Variants in NDUFB10 observed in about 807,000 individuals in gnomAD.
The protein encoded by NDUFB10 is NADH dehydrogenase [ubiquinone] 1 beta subcomplex subunit 10.
In NDUFB10, 23 loss-of-function variants were observed where a neutral mutation model predicts 19.0. That is an observed-to-expected ratio of 1.21 (90% CI 0.87 to 1.71). The LOEUF is 1.71. Among genes scored for constraint, NDUFB10 ranks in the 40% most tolerant of loss-of-function variants. The pLI is 0.00. For missense variants in NDUFB10, 312 were observed against 230.6 expected, an observed-to-expected ratio of 1.35 and a Z score of -2.29; for synonymous variants, 104 against 81.8, an observed-to-expected ratio of 1.27 and a Z score of -1.46.
At chr16:1,959,871 G>A (rs2083242143) in intron 1 of NDUFB10, 117 bp downstream of exon 1, 5 of 1,257,364 alleles carry the variant, frequency 4.0e-6, no homozygotes, top group East Asian at 4.8e-5. Context: ...GCCCCCCGCT[G>A]CACCCCGGGG....
chr16:1,961,161 G>A lies in NDUFB10; in HGVS notation c.139G>A (p.Glu47Lys), dbSNP rs1196596861. ...TGGCTTTGTCTTTGCAGAATTTATAGAGCGGCAGCACGCAAAGAACAGGTA... is the reference window on the plus strand; with the variant it reads ...TGGCTTTGTCTTTGCAGAATTTATAAAGCGGCAGCACGCAAAGAACAGGTA... ...RPVTLVREFI[E>K]RQHAKNRYYY... The change falls in exon 2 of 4, where the codon GAG becomes AAG. Residue 47 changes from glutamate (E) to lysine (K), a missense_variant. Transcript: ENST00000268668. 6 of 1,613,960 alleles carry A rather than the reference G, an allele frequency of 3.7e-6. No individual in the cohort carries two copies. The highest frequency in any genetic ancestry group is 5.1e-6 in the Non-Finnish European group (6 of 1,179,948).
Position 1,959,895 on chromosome 16 carries a change from C to G in NDUFB10, c.130+141C>G, listed in dbSNP as rs2083242317. 3 of 1,171,408 alleles carry G rather than the reference C, an allele frequency of 2.6e-6. No homozygotes were observed. The East Asian group carries it at 7.6e-5, about 30-fold the overall frequency. The allele number at this position is 1,171,408 out of a possible 1,614,324, so 72.6% of individuals were successfully genotyped here. A position where few individuals can be genotyped will look rare whatever the true frequency, so the allele number is the denominator to read the frequency against. Reference sequence around the variant, plus strand: ...TGCACCCCGGGGACAACTCCCCACCCCCGGAGACCTCCGAGCTCCGTCGCC... The same window carrying G: ...TGCACCCCGGGGACAACTCCCCACCGCCGGAGACCTCCGAGCTCCGTCGCC... On this transcript the variant is annotated intron_variant, in intron 1 of 3. Transcript: ENST00000268668.
In NDUFB10 at chr16:1,959,565, C is replaced by T. The variant is rs983603962; in HGVS notation, c.-60C>T. 22 of 1,534,494 alleles carry T rather than the reference C, an allele frequency of 1.4e-5. No individual in the cohort carries two copies. The African/African-American group carries it at 2.5e-4, about 17-fold the overall frequency. On this transcript the variant is annotated 5_prime_UTR_variant, in exon 1 of 4. Transcript: ENST00000268668. Reference sequence around the variant, plus strand: ...AGCGGGCGACCTAGGCCGCGGGACCCGGACGGAGGTAGAGGCCAGGGCAGC... The same window carrying T: ...AGCGGGCGACCTAGGCCGCGGGACCTGGACGGAGGTAGAGGCCAGGGCAGC...
At position 1,961,254 on chromosome 16, in the gene NDUFB10, T is replaced by C. The variant is rs2083252390; in HGVS notation, c.232T>C (p.Cys78Arg). Residue 78 changes from cysteine (C) to arginine (R), a missense_variant, in exon 2 of 4, where the codon TGC (cysteine) becomes CGC (arginine). Coordinates refer to ENST00000268668, the MANE Select transcript of NDUFB10 (RefSeq NM_004548.3). ...TGAGTGCAAGGAGGAGGACATCATG[T>C]GCATGTATGAAGCCGAAATGCAGTG... Reference protein sequence around the residue: ...ITECKEEDIMCMYEAEMQWKR... With the variant: ...ITECKEEDIMRMYEAEMQWKR... 6.2e-7 allele frequency: 1 copy of C among 1,613,930 alleles called. No individual in the cohort carries two copies. The highest frequency in any genetic ancestry group is 1.3e-5 in the African/African-American group (1 of 74,936).
chr16:1,960,107 C>T (rs901542177), intron 1 of NDUFB10, among the ~76,000 whole-genome samples: 7 of 152,236 alleles, frequency 4.6e-5, no homozygotes, highest in African/African-American at 1.7e-4. Flanking sequence ...GCACCGCTGG[C>T]CTCAGGCCTC....
At chr16:1,961,703 A>T in intron 3 of NDUFB10, 67 bp downstream of exon 3, 3 of 1,530,520 alleles carry the variant, frequency 2.0e-6, no homozygotes, top group Non-Finnish European at 2.7e-6. Flanking sequence ...AACCATTGCA[A>T]ATCTTCCCTC....
chr16:1,961,312 G>T (rs767550411), intron 2 of NDUFB10, 21 bp downstream of exon 2: 12 of 1,613,784 alleles, frequency 7.4e-6, no homozygotes, highest in South Asian at 6.6e-5. Flanking sequence ...CATGCTGGGA[G>T]TGTGGAGATC....
At position 1,961,200 on chromosome 16, in the gene NDUFB10, C is replaced by A. The variant is rs781064867; in HGVS notation, c.178C>A (p.Arg60=). Residue 60 remains arginine (R), a synonymous_variant, in exon 2 of 4, where the codon CGG becomes AGG. Coordinates refer to ENST00000268668, the MANE Select transcript of NDUFB10 (RefSeq NM_004548.3). ...AAAGAACAGGTATTACTACTACCACCGGCAGTACCGCCGCGTGCCAGACAT... is the reference window on the plus strand; with the variant it reads ...AAAGAACAGGTATTACTACTACCACAGGCAGTACCGCCGCGTGCCAGACAT... ...HAKNRYYYYH[R]QYRRVPDITE... is the part of the protein sequence containing the mutation. 1 of 1,614,102 alleles carries A rather than the reference C, an allele frequency of 6.2e-7. No homozygotes were observed. Among genetic ancestry groups the A allele is most frequent in the South Asian group, 1.1e-5 (1 of 91,078 alleles).
At chr16:1,961,660 C>T (rs754319460) in intron 3 of NDUFB10, 24 bp downstream of exon 3, 1 of 1,529,922 alleles carries the variant, frequency 6.5e-7, no homozygotes, top group African/African-American at 1.5e-5. Context: ...CCACCCCCAA[C>T]CCCCCACCAT....
chr16:1,959,612 G>T lies in NDUFB10; in HGVS notation c.-13G>T, dbSNP rs1221503135. On this transcript the variant is annotated 5_prime_UTR_variant, in exon 1 of 4. Coordinates refer to ENST00000268668, the MANE Select transcript of NDUFB10 (RefSeq NM_004548.3). ...CAGCGCGTCCGGGAGCGGAGTCCGC[G>T]CCCGCCGCCGCCATGCCGGACAGCT... The T allele has an allele frequency of 6.2e-7, 1 of 1,603,528 alleles. No homozygotes were observed. The highest frequency in any genetic ancestry group is 8.5e-7 in the Non-Finnish European group (1 of 1,175,164).
rs750822559 is a variant in NDUFB10 at position 1,959,790 on chromosome 16, T to C, written c.130+36T>C. The stretch of plus-strand genomic sequence containing the variant: ...CCAGCCCGGGGCTCCCTCGCCGGCC[T>C]CTGGGGACCCCTGGATCCCACACCC... On this transcript the variant is annotated intron_variant, in intron 1 of 3. Transcript: ENST00000268668. 14 of 1,610,500 alleles carry C rather than the reference T, an allele frequency of 8.7e-6. No homozygotes were observed. In the Admixed American group the frequency reaches 2.2e-4, roughly 25 times the overall value.
At position 1,961,582 on chromosome 16, in the gene NDUFB10, T is replaced by C; in HGVS notation, c.355T>C (p.Cys119Arg). 6.2e-7 allele frequency: 1 copy of C among 1,614,054 alleles called. No individual in the cohort carries two copies. Among genetic ancestry groups the C allele is most frequent in the Non-Finnish European group, 8.5e-7 (1 of 1,180,026 alleles). ...QREGQNYQQN[C>R]IKEVEQFTQV... ...GGAAGGACAGAACTACCAGCAGAAC[T>C]GTATCAAGGAAGTGGAGCAGTTCAC... Residue 119 changes from cysteine (C) to arginine (R), a missense_variant, in exon 3 of 4, where the codon TGT becomes CGT. By Grantham distance (180) the Cys-to-Arg change is radical. Coordinates refer to ENST00000268668, the MANE Select transcript of NDUFB10 (RefSeq NM_004548.3).
At position 1,959,594 on chromosome 16, in the gene NDUFB10, T is replaced by C. The variant is rs1456794716; in HGVS notation, c.-31T>C. ...CGGAGGTAGAGGCCAGGGCAGCGCG[T>C]CCGGGAGCGGAGTCCGCGCCCGCCG... On this transcript the variant is annotated 5_prime_UTR_variant, in exon 1 of 4. Transcript: ENST00000268668. 1 of 1,592,320 alleles carries C rather than the reference T, an allele frequency of 6.3e-7. No homozygotes were observed. The highest frequency in any genetic ancestry group is 8.5e-7 in the Non-Finnish European group (1 of 1,169,684).
chr16:1,959,558 C>A lies in NDUFB10; in HGVS notation c.-67C>A, dbSNP rs1027838050. On this transcript the variant is annotated 5_prime_UTR_variant, in exon 1 of 4. Coordinates refer to ENST00000268668, the MANE Select transcript of NDUFB10 (RefSeq NM_004548.3). ...CCTCTGTAGCGGGCGACCTAGGCCG[C>A]GGGACCCGGACGGAGGTAGAGGCCA... 2.0e-6 allele frequency: 3 copies of A among 1,519,074 alleles called. No individual in the cohort carries two copies. The highest frequency in any genetic ancestry group is 4.2e-5 in the Admixed American group (2 of 47,074). 94.1% of individuals were successfully genotyped at this position (1,519,074 alleles called of 1,614,324 possible). A position where few individuals can be genotyped will look rare whatever the true frequency, so the allele number is the denominator to read the frequency against.
At chr16:1,960,114 C>A (rs1029273608) in intron 1 of NDUFB10, among the ~76,000 whole-genome samples, 1 of 152,206 alleles carries the variant, frequency 6.6e-6, no homozygotes, top group African/African-American at 2.4e-5. Flanking sequence ...TGGCCTCAGG[C>A]CTCTCTCAAA....
rs1399117631 is a variant in NDUFB10 at position 1,961,306 on chromosome 16, CT to C, written c.269+16del. ...AAGAGGGACTAGTACGTGAGCCATG[CT>C]GGGAGTGTGGAGATCTGCACCGTGT... On this transcript the variant is annotated intron_variant, in intron 2 of 3. Transcript: ENST00000268668. The C allele has an allele frequency of 6.2e-7, 1 of 1,613,784 alleles. No homozygotes were observed. The highest frequency in any genetic ancestry group is 8.5e-7 in the Non-Finnish European group (1 of 1,179,960).
Position 1,961,648 on chromosome 16 carries a change from A to AACCCCCC in NDUFB10, c.409+12_409+13insACCCCCC. ...CTACCAGGACCGCTGTGCGTGCCCC[A>AACCCCCC]CCCACCCCCAACCCCCCACCATCCT... is the stretch of plus-strand genomic sequence containing the variant. On this transcript the variant is annotated intron_variant, in intron 3 of 3. Transcript: ENST00000268668. 3.7e-6 allele frequency: 2 copies of AACCCCCC among 537,134 alleles called. No individual in the cohort carries two copies. Among genetic ancestry groups the AACCCCCC allele is most frequent in the South Asian group, 2.6e-5 (1 of 38,246 alleles). 33.3% of individuals were successfully genotyped at this position (537,134 alleles called of 1,614,324 possible). A position where few individuals can be genotyped will look rare whatever the true frequency, so the allele number is the denominator to read the frequency against.
chr16:1,960,941 G>A (rs1168552206), intron 1 of NDUFB10, among the ~76,000 whole-genome samples: 1 of 152,214 alleles, frequency 6.6e-6, no homozygotes, highest in African/African-American at 2.4e-5. Flanking sequence ...GATGATGCCT[G>A]GTACTCGGGA....
chr16:1,960,225 G>GTA (rs2150870368), intron 1 of NDUFB10, among the ~76,000 whole-genome samples: 1 of 146,842 alleles, frequency 6.8e-6, no homozygotes, highest in East Asian at 2.0e-4. Context: ...AGTTTTTGTT[G>GTA]TTTTTTTTTT....
Sources: gnomAD v4.1 joint callset for allele counts (sites outside exome capture counted in the v4.1 genomes callset) on GRCh38, gnomAD v4.1.1 for gene constraint, MANE v1.5 for transcripts, NCBI Gene and HGNC (gene_info 2026-07-23, HGNC 2026-07-21) for gene names.